ZCCHC24: variants seen among roughly 807,000 people sequenced by gnomAD.
The protein encoded by ZCCHC24 is zinc finger CCHC-type containing 24.
A neutral mutation model predicts 26.2 loss-of-function variants in ZCCHC24; 10 were observed. That is an observed-to-expected ratio of 0.38 (90% CI 0.24 to 0.65). ZCCHC24 has a LOEUF of 0.65. ZCCHC24 is among the 30% of genes least tolerant of loss of function. The pLI is 0.54. For missense variants in ZCCHC24, 243 were observed against 329.1 expected (o/e 0.74, Z 2.03); for synonymous variants, 144 against 147.1 (o/e 0.98, Z 0.15).
In ZCCHC24 at chr10:79,419,167, C is replaced by T. The variant is rs77175583; in HGVS notation, c.447+13391G>A. Among the ~76,000 whole-genome samples the T allele has an allele frequency of 1.3e-4, 20 of 152,296 alleles. No individual in the cohort carries two copies. The East Asian group carries it at 3.7e-3, about 28-fold the overall frequency. The stretch of plus-strand genomic sequence containing the variant: ...GGGCTGCTTCTCATCTCCCTCACAC[C>T]AACCCTCCCATCAGGTACATGAGCC... On this transcript the variant is annotated intron_variant, in intron 2 of 3. Coordinates refer to ENST00000372336, the MANE Select transcript of ZCCHC24 (RefSeq NM_153367.4).
intron 2 of ZCCHC24, among the ~76,000 whole-genome samples, chr10:79,428,979 C>T (rs1319568773): frequency 6.6e-6 from 1 of 152,004 alleles, no homozygotes; most frequent in African/African-American, 2.4e-5. Context: ...GAGTTCAGAG[C>T]AGTCATCAAA....
At chr10:79,440,183 C>T (rs1164986465) in intron 1 of ZCCHC24, among the ~76,000 whole-genome samples, 1 of 152,146 alleles carries the variant, frequency 6.6e-6, no homozygotes, top group Non-Finnish European at 1.5e-5. Flanking sequence ...GCCTCTGATT[C>T]CCTGAATGCA....
Position 79,386,023 on chromosome 10 carries a change from C to A in ZCCHC24, c.*322G>T. The A allele has an allele frequency of 1.9e-6, 1 of 514,920 alleles. No homozygotes were observed. The highest frequency in any genetic ancestry group is 3.5e-6 in the Non-Finnish European group (1 of 287,274). 31.9% of individuals were successfully genotyped at this position (514,920 alleles called of 1,614,324 possible). On this transcript the variant is annotated 3_prime_UTR_variant, in exon 4 of 4. Coordinates refer to ENST00000372336, the MANE Select transcript of ZCCHC24 (RefSeq NM_153367.4). ...TACAAGGCTGCTCACCCCAAAGAGG[C>A]TCTCAGAGGCGAGCCTGTGGGGACA...
intron 2 of ZCCHC24, among the ~76,000 whole-genome samples, chr10:79,411,007 G>C (rs1021382185): frequency 3.5e-4 from 54 of 152,290 alleles, no homozygotes; most frequent in African/African-American, 1.2e-3. Flanking sequence ...CTGACTGGGG[G>C]ACAAGGCCAG....
At chr10:79,386,979 T>G (rs987709192) in intron 3 of ZCCHC24, among the ~76,000 whole-genome samples, 2 of 152,116 alleles carry the variant, frequency 1.3e-5, no homozygotes, top group African/African-American at 2.4e-5. Flanking sequence ...ATCCGGCGCC[T>G]CTTCCCTGGC....
chr10:79,389,082 C>CT (rs1440285249), intron 3 of ZCCHC24, among the ~76,000 whole-genome samples: 1 of 152,250 alleles, frequency 6.6e-6, no homozygotes, highest in African/African-American at 2.4e-5. Flanking sequence ...CCCAGCCCGT[C>CT]TGAGTCCCTG....
At chr10:79,416,441 CT>C (rs1282135821) in intron 2 of ZCCHC24, among the ~76,000 whole-genome samples, 1 of 152,092 alleles carries the variant, frequency 6.6e-6, no homozygotes, top group East Asian at 1.9e-4. Flanking sequence ...CCAGGGGGCC[CT>C]TGATGAACTG....
chr10:79,434,286 C>A (rs369806111), intron 1 of ZCCHC24, among the ~76,000 whole-genome samples: 3 of 152,336 alleles, frequency 2.0e-5, no homozygotes, highest in East Asian at 3.9e-4. Context: ...CCTGGCCCGA[C>A]CACCAAATCC....
At chr10:79,424,923 C>T (rs1385012212) in intron 2 of ZCCHC24, among the ~76,000 whole-genome samples, 2 of 152,234 alleles carry the variant, frequency 1.3e-5, no homozygotes, top group Non-Finnish European at 2.9e-5. Flanking sequence ...CACAGTAAAC[C>T]TCACCACAGC....
intron 2 of ZCCHC24, among the ~76,000 whole-genome samples, chr10:79,416,187 A>G (rs991318962): frequency 6.6e-6 from 1 of 151,932 alleles, no homozygotes; most frequent in Non-Finnish European, 1.5e-5. Context: ...GTTAGCTCAT[A>G]AGACCTACAC....
intron 3 of ZCCHC24, among the ~76,000 whole-genome samples, chr10:79,391,672 C>T (rs1856481773): frequency 6.6e-6 from 1 of 151,922 alleles, no homozygotes; most frequent in Non-Finnish European, 1.5e-5. Flanking sequence ...CCTGCTCCCT[C>T]CCAGGCCACT....
Position 79,444,360 on chromosome 10 carries a change from T to C in ZCCHC24, c.246+835A>G, listed in dbSNP as rs1857330528. On this transcript the variant is annotated intron_variant, in intron 1 of 3. Coordinates refer to ENST00000372336, the MANE Select transcript of ZCCHC24 (RefSeq NM_153367.4). Reference sequence around the variant, plus strand: ...GTGGCGATCTGTGTATTTATCTTGCTGGCAAAGAGGCGCTGCCCAGTCAAC... The same window carrying C: ...GTGGCGATCTGTGTATTTATCTTGCCGGCAAAGAGGCGCTGCCCAGTCAAC... The C allele has an allele frequency of 3.4e-6, 4 of 1,185,938 alleles. No homozygotes were observed. In the East Asian group the frequency reaches 1.3e-4, roughly 38 times the overall value. The allele number at this position is 1,185,938 out of a possible 1,614,324, so 73.5% of individuals were successfully genotyped here. A position where few individuals can be genotyped will look rare whatever the true frequency, so the allele number is the denominator to read the frequency against.
intron 1 of ZCCHC24, among the ~76,000 whole-genome samples, chr10:79,441,019 T>A (rs1378331467): frequency 6.6e-6 from 1 of 150,752 alleles, no homozygotes; most frequent in Non-Finnish European, 1.5e-5. Flanking sequence ...GGGAGCATCC[T>A]CCCGAACTCT....
At chr10:79,423,212 C>A (rs1856970901) in intron 2 of ZCCHC24, among the ~76,000 whole-genome samples, 1 of 152,100 alleles carries the variant, frequency 6.6e-6, no homozygotes, top group Admixed American at 6.5e-5. Context: ...GGACCCTAGG[C>A]ACTTTTGCCT....
chr10:79,413,461 C>T (rs913980100), intron 2 of ZCCHC24, among the ~76,000 whole-genome samples: 3 of 152,212 alleles, frequency 2.0e-5, no homozygotes, highest in Non-Finnish European at 2.9e-5. Context: ...GGAGGTCATG[C>T]GGGGGCAGGG....
intron 3 of ZCCHC24, among the ~76,000 whole-genome samples, chr10:79,390,590 C>G (rs1203151773): frequency 2.6e-5 from 4 of 152,198 alleles, no homozygotes; most frequent in Admixed American, 2.0e-4. Context: ...GGCTCTGGCT[C>G]GACTGCTCAG....
intron 2 of ZCCHC24, among the ~76,000 whole-genome samples, chr10:79,429,449 G>A (rs1857095874): frequency 6.6e-6 from 1 of 152,082 alleles, no homozygotes; most frequent in Admixed American, 6.5e-5. Context: ...GGGCATGATG[G>A]CAGCACCTGG....
intron 1 of ZCCHC24, among the ~76,000 whole-genome samples, chr10:79,437,077 T>C (rs1477074867): frequency 1.3e-5 from 2 of 152,196 alleles, no homozygotes; most frequent in East Asian, 3.8e-4. Flanking sequence ...CTTACTGTTC[T>C]TACTCTGTCA....
chr10:79,442,675 G>A (rs564526748), intron 1 of ZCCHC24, among the ~76,000 whole-genome samples: 1 of 152,296 alleles, frequency 6.6e-6, no homozygotes, highest in East Asian at 1.9e-4. Flanking sequence ...GGGTCCCTCC[G>A]TAGAGTCCCC....
Sources: gnomAD v4.1 joint callset for allele counts (sites outside exome capture counted in the v4.1 genomes callset) on GRCh38, gnomAD v4.1.1 for gene constraint, MANE v1.5 for transcripts, NCBI Gene and HGNC (gene_info 2026-07-23, HGNC 2026-07-21) for gene names.